Variants in PCDHA4 observed in about 807,000 individuals in gnomAD.
PCDHA4 encodes the protein protocadherin alpha 4.
PCDHA4 carries 49 observed loss-of-function variants against 61.4 expected under a neutral mutation model. The observed-to-expected ratio is 0.80, with a 90% confidence interval of 0.63 to 1.01. The LOEUF is 1.01. Among genes scored for constraint, PCDHA4 ranks in the 50% least tolerant of loss-of-function variants. The probability of loss-of-function intolerance (pLI) is 0.00; values close to 1 mark genes in which losing one functional copy is unlikely to be tolerated. For synonymous variants in PCDHA4, 590 were observed against 550.3 expected (o/e 1.07, Z -1.01); for missense variants, 1,254 against 1,235.8 (o/e 1.01, Z -0.22).
At chr5:140,822,280 T>C (rs2150115154) in intron 1 of PCDHA4, 3 of 1,614,128 alleles carry the variant, frequency 1.9e-6, no homozygotes, top group Non-Finnish European at 2.5e-6. Flanking sequence ...ACAATTGAGA[T>C]ACAGGTTAAA....
chr5:140,853,351 C>T, intron 1 of PCDHA4: 1 of 982,872 alleles, frequency 1.0e-6, no homozygotes, highest in Non-Finnish European at 1.2e-6. Context: ...CAAACATGAA[C>T]TCACAGGGAT....
chr5:140,891,956 G>T (rs528674370), intron 1 of PCDHA4, among the ~76,000 whole-genome samples: 1 of 152,344 alleles, frequency 6.6e-6, no homozygotes, highest in South Asian at 2.1e-4. Flanking sequence ...CCAGAATTGT[G>T]AGAAGTAAAT....
rs148283153 is a variant in PCDHA4, at chr5:140,857,227, G to A, written c.2385+47655G>A. 3.8e-6 allele frequency: 6 copies of A among 1,598,330 alleles called. No individual in the cohort carries two copies. The African/African-American group carries it at 4.0e-5, about 11-fold the overall frequency. ...CCTGCTCTCTGACGCCTCACGTTCCGTTCAAGCTGGTGTCCACCTACAAGA... is the reference window on the plus strand; with the variant it reads ...CCTGCTCTCTGACGCCTCACGTTCCATTCAAGCTGGTGTCCACCTACAAGA... On this transcript the variant is annotated intron_variant, in intron 1 of 3. Coordinates refer to ENST00000530339, the MANE Select transcript of PCDHA4 (RefSeq NM_018907.4).
chr5:140,869,439 G>A (rs1554163055), intron 1 of PCDHA4: 1 of 1,614,212 alleles, frequency 6.2e-7, no homozygotes. Flanking sequence ...TCGTGGACAG[G>A]CCGCTGCAGG....
At chr5:140,902,860 G>C (rs1360454438) in intron 1 of PCDHA4, among the ~76,000 whole-genome samples, 1 of 152,130 alleles carries the variant, frequency 6.6e-6, no homozygotes, top group Non-Finnish European at 1.5e-5. Context: ...ATGGCGTCCA[G>C]GTCCACCCAA....
At position 140,808,769 on chromosome 5, in the gene PCDHA4, C is replaced by G. The variant is rs142480630; in HGVS notation, c.1582C>G (p.Leu528Val). The G allele has an allele frequency of 0.05, 81,274 of 1,612,192 alleles. 2,410 individuals carry two copies. The highest frequency in any genetic ancestry group is 0.074 in the Middle Eastern group (363 of 4,912). Residue 528 changes from leucine (L) to valine (V), a missense_variant, in exon 1 of 4, where the codon CTA (leucine) becomes GTA (valine). Leu to Val is a conservative substitution (Grantham distance 32). Coordinates refer to ENST00000530339, the MANE Select transcript of PCDHA4 (RefSeq NM_018907.4). Reference sequence around the variant, plus strand: ...GCTGCAGCCGCTGGACCACGAGGAGCTAGAGCTGCTGCAGTTTCAGGTGAC... The same window carrying G: ...GCTGCAGCCGCTGGACCACGAGGAGGTAGAGCTGCTGCAGTTTCAGGTGAC... ...YALQPLDHEE[L>V]ELLQFQVTAR...
rs141558342 is a variant in PCDHA4 at position 140,862,206 on chromosome 5, T to G, written c.2385+52634T>G. The G allele has an allele frequency of 1.6e-3, 319 of 195,694 alleles. 1 individual carries two copies. The highest frequency in any genetic ancestry group is 7.0e-3 in the African/African-American group (300 of 43,022). 12.1% of individuals were successfully genotyped at this position (195,694 alleles called of 1,614,324 possible). A position where few individuals can be genotyped will look rare whatever the true frequency, so the allele number is the denominator to read the frequency against. On this transcript the variant is annotated intron_variant, in intron 1 of 3. Transcript: ENST00000530339. ...AGGCAATTCCCCAATGTTTGATCAC[T>G]GCACAGACTTGATAGAAGTCTTGGA...
rs782782390 is a variant in PCDHA4 at position 140,856,337 on chromosome 5, C to T, written c.2385+46765C>T. 2.5e-6 allele frequency: 4 copies of T among 1,598,496 alleles called. 1 individual carries two copies. The Admixed American group carries it at 5.1e-5, about 20-fold the overall frequency. On this transcript the variant is annotated intron_variant, in intron 1 of 3. Transcript: ENST00000530339. ...GATTGACCGCGAGGAGCTGTGCGGG[C>T]GGAGCGTGGAGTGCAGCATCCACCT...
intron 1 of PCDHA4, among the ~76,000 whole-genome samples, chr5:140,899,359 T>C (rs1247414230): frequency 6.6e-6 from 1 of 152,116 alleles, no homozygotes; most frequent in Non-Finnish European, 1.5e-5. Context: ...TTTTGAGATA[T>C]GTCCCATCAA....
At position 140,936,025 on chromosome 5, in the gene PCDHA4, G is replaced by A. The variant is rs542573400; in HGVS notation, c.2386-42924G>A. On this transcript the variant is annotated intron_variant, in intron 1 of 3. Coordinates refer to ENST00000530339, the MANE Select transcript of PCDHA4 (RefSeq NM_018907.4). ...CTCCCACCTCAGCCTCCCGAGTAGC[G>A]GGGATTACAGGCACCCACCACCACA... 1.5e-3 allele frequency among the ~76,000 whole-genome samples: 222 copies of A among 151,390 alleles called. 1 individual carries two copies. The highest frequency in any genetic ancestry group is 6.8e-3 in the Middle Eastern group (2 of 294).
At chr5:140,828,560 G>T in intron 1 of PCDHA4, 1 of 1,614,210 alleles carries the variant, frequency 6.2e-7, no homozygotes, top group Non-Finnish European at 8.5e-7. Context: ...ACTGGAGGGC[G>T]CGTCCGATGC....
Position 140,916,977 on chromosome 5 carries a change from T to A in PCDHA4, c.2386-61972T>A, listed in dbSNP as rs569550595. Among the ~76,000 whole-genome samples the A allele has an allele frequency of 2.6e-5, 4 of 152,302 alleles. No individual in the cohort carries two copies. In the South Asian group the frequency reaches 8.3e-4, roughly 32 times the overall value. On this transcript the variant is annotated intron_variant, in intron 1 of 3. Transcript: ENST00000530339. ...AGTTCTGACTGCTGGGATGAGTGAT[T>A]CGCCTCTGGCCAGGCCTGTTCCAAA...
At chr5:140,973,782 C>CT (rs1461331270) in intron 1 of PCDHA4, among the ~76,000 whole-genome samples, 7 of 152,208 alleles carry the variant, frequency 4.6e-5, no homozygotes, top group African/African-American at 1.7e-4. Flanking sequence ...TATAGGTTGC[C>CT]TATTGGCATG....
Position 140,850,119 on chromosome 5 carries a change from G to T in PCDHA4, c.2385+40547G>T, listed in dbSNP as rs2150468632. On this transcript the variant is annotated intron_variant, in intron 1 of 3. Coordinates refer to ENST00000530339, the MANE Select transcript of PCDHA4 (RefSeq NM_018907.4). ...CCAGGTGAGCGCGCGCGACGCGGGC[G>T]TGCCGCCTCTGGGCAGCAACGTGAC... is the stretch of plus-strand genomic sequence containing the variant. The T allele has an allele frequency of 1.1e-5, 17 of 1,596,076 alleles. No homozygotes were observed. The Admixed American group carries it at 1.9e-4, about 17-fold the overall frequency.
intron 1 of PCDHA4, among the ~76,000 whole-genome samples, chr5:140,833,519 A>G (rs1287157587): frequency 6.6e-6 from 1 of 152,228 alleles, no homozygotes; most frequent in African/African-American, 2.4e-5. Flanking sequence ...GCATATATTC[A>G]TAACACACAA....
Position 140,849,815 on chromosome 5 carries a change from G to A in PCDHA4, c.2385+40243G>A, listed in dbSNP as rs2150451415. On this transcript the variant is annotated intron_variant, in intron 1 of 3. Transcript: ENST00000530339. ...CGCCTTCACTGTGGGCCACGGCCAGGGTGTCTGTGGAGGTGGCCGACGTGA... is the reference window on the plus strand; with the variant it reads ...CGCCTTCACTGTGGGCCACGGCCAGAGTGTCTGTGGAGGTGGCCGACGTGA... 1.8e-4 allele frequency: 280 copies of A among 1,598,402 alleles called. 16 individuals carry two copies. In the South Asian group the frequency reaches 3.0e-3, roughly 17 times the overall value.
intron 1 of PCDHA4, chr5:140,843,522 C>T: frequency 1.1e-5 from 17 of 1,595,794 alleles, no homozygotes; most frequent in Non-Finnish European, 1.5e-5. Flanking sequence ...GGGTGCCGGG[C>T]GGGCAAGCCC....
chr5:140,819,115 T>C (rs1766493901), intron 1 of PCDHA4, among the ~76,000 whole-genome samples: 1 of 152,216 alleles, frequency 6.6e-6, no homozygotes, highest in Non-Finnish European at 1.5e-5. Flanking sequence ...TGGTATCCTT[T>C]CTTACTATCC....
intron 1 of PCDHA4, chr5:140,854,088 G>A (rs1262177028): frequency 3.8e-6 from 1 of 266,394 alleles, no homozygotes; most frequent in African/African-American, 2.4e-5. Context: ...CTTGAGCCTG[G>A]GACATTGAGG....
Sources: gnomAD v4.1 joint callset for allele counts (sites outside exome capture counted in the v4.1 genomes callset) on GRCh38, gnomAD v4.1.1 for gene constraint, MANE v1.5 for transcripts, NCBI Gene and HGNC (gene_info 2026-07-23, HGNC 2026-07-21) for gene names.